PCSK6: variants seen among roughly 807,000 people sequenced by gnomAD.
PCSK6 encodes the protein proprotein convertase subtilisin/kexin type 6, also known as paired basic amino acid cleaving enzyme 4.
PCSK6 carries 85 observed loss-of-function variants against 123.3 expected under a neutral mutation model. The observed-to-expected ratio is 0.69, with a 90% confidence interval of 0.58 to 0.83. The LOEUF is 0.83. Among genes scored for constraint, PCSK6 ranks in the 40% least tolerant of loss-of-function variants. PCSK6 has a pLI of 0.00. For missense variants in PCSK6, 1,191 were observed against 1,282.3 expected (o/e 0.93, Z 1.09); for synonymous variants, 508 against 516.0 (o/e 0.98, Z 0.21).
chr15:101,365,850 GA>G (rs2041371081), intron 13 of PCSK6: 2 of 186,248 alleles, frequency 1.1e-5, no homozygotes. Flanking sequence ...AAATGTCCAG[GA>G]GAGGCAAATC....
intron 12 of PCSK6, among the ~76,000 whole-genome samples, chr15:101,367,040 G>C (rs1014785482): frequency 6.6e-6 from 1 of 152,180 alleles, no homozygotes; most frequent in Admixed American, 6.5e-5. Context: ...AGGGGCCCGT[G>C]GAGAGCGGGG....
intron 1 of PCSK6, among the ~76,000 whole-genome samples, chr15:101,454,027 C>T (rs900376566): frequency 2.0e-5 from 3 of 152,246 alleles, no homozygotes; most frequent in Non-Finnish European, 2.9e-5. Flanking sequence ...TGCCAGGCCC[C>T]CTCCTGGACT....
chr15:101,345,536 G>GA (rs963196886), intron 13 of PCSK6, among the ~76,000 whole-genome samples: 1 of 151,966 alleles, frequency 6.6e-6, no homozygotes, highest in Non-Finnish European at 1.5e-5. Context: ...CAGCAGGCCA[G>GA]AAAAAAAATT....
At chr15:101,457,517 T>C (rs2057219471) in intron 1 of PCSK6, among the ~76,000 whole-genome samples, 2 of 152,232 alleles carry the variant, frequency 1.3e-5, no homozygotes, top group Admixed American at 6.5e-5. Context: ...AGAACAAGGA[T>C]GCAGCTCCCT....
rs914549154 is a variant in PCSK6, at chr15:101,305,392, G to A, written c.2813-37C>T. Reference sequence around the variant, plus strand: ...CATCAGGAAAGGCAAAAGAGGGAAAGGTCAGTCTTCGGTGCCTGTGAAGAT... The same window carrying A: ...CATCAGGAAAGGCAAAAGAGGGAAAAGTCAGTCTTCGGTGCCTGTGAAGAT... On this transcript the variant is annotated intron_variant, in intron 21 of 21. Coordinates refer to ENST00000611716, the MANE Select transcript of PCSK6 (RefSeq NM_002570.5). The surrounding 1 kb of genome is among the most constrained non-coding windows in gnomAD (Gnocchi z 4.8). 1.3e-6 allele frequency: 2 copies of A among 1,562,796 alleles called. No individual in the cohort carries two copies. Among genetic ancestry groups the A allele is most frequent in the African/African-American group, 2.7e-5 (2 of 73,956 alleles).
At chr15:101,323,868 C>T (rs1481096295) in intron 17 of PCSK6, among the ~76,000 whole-genome samples, 1 of 152,200 alleles carries the variant, frequency 6.6e-6, no homozygotes, top group Non-Finnish European at 1.5e-5. Context: ...AGTAAGGGCC[C>T]AGAGAGGAGG....
chr15:101,369,924 T>TG (rs1395314032), intron 12 of PCSK6, among the ~76,000 whole-genome samples: 2 of 151,988 alleles, frequency 1.3e-5, no homozygotes, highest in Non-Finnish European at 2.9e-5. Flanking sequence ...GGAGAGCTGG[T>TG]GGGGGGACAA....
intron 4 of PCSK6, 27 bp downstream of exon 4, chr15:101,431,293 G>T (rs766973999): frequency 1.9e-6 from 3 of 1,611,702 alleles, no homozygotes; most frequent in Admixed American, 3.3e-5. Context: ...GAATATATTT[G>T]CATGTCAGTT....
rs535493597 is a variant in PCSK6 at position 101,333,420 on chromosome 15, G to A, written c.1859-1389C>T. Among the ~76,000 whole-genome samples the A allele has an allele frequency of 1.2e-3, 180 of 152,332 alleles. 1 individual carries two copies. The highest frequency in any genetic ancestry group is 4.1e-3 in the African/African-American group (169 of 41,568). On this transcript the variant is annotated intron_variant, in intron 13 of 21. Coordinates refer to ENST00000611716, the MANE Select transcript of PCSK6 (RefSeq NM_002570.5). ...CTCCTGCGACCCAAGCTGGGGACAGGGCCATTGCTGGCTCAATGTCTCTGT... is the reference window on the plus strand; with the variant it reads ...CTCCTGCGACCCAAGCTGGGGACAGAGCCATTGCTGGCTCAATGTCTCTGT...
intron 7 of PCSK6, among the ~76,000 whole-genome samples, chr15:101,395,439 A>T (rs554310407): frequency 2.0e-5 from 3 of 152,348 alleles, no homozygotes; most frequent in East Asian, 3.9e-4. Context: ...AGCATGTAGC[A>T]TGCATTTACT....
At chr15:101,395,323 C>T (rs1030314700) in intron 7 of PCSK6, among the ~76,000 whole-genome samples, 1 of 152,162 alleles carries the variant, frequency 6.6e-6, no homozygotes, top group Non-Finnish European at 1.5e-5. Flanking sequence ...CCAGGGTGGG[C>T]CTGAGAGTGT....
chr15:101,351,986 T>C (rs2040902443), intron 13 of PCSK6, among the ~76,000 whole-genome samples: 1 of 152,084 alleles, frequency 6.6e-6, no homozygotes, highest in South Asian at 2.1e-4. Flanking sequence ...ATGGGAGAGT[T>C]GAGTAGTTGT....
intron 6 of PCSK6, among the ~76,000 whole-genome samples, chr15:101,410,379 A>T (rs1293867479): frequency 6.6e-6 from 1 of 152,206 alleles, no homozygotes; most frequent in Admixed American, 6.5e-5. Flanking sequence ...AAGGGCTGGG[A>T]GGGAAGGAGC....
At chr15:101,389,893 A>T (rs1348175836) in intron 8 of PCSK6, among the ~76,000 whole-genome samples, 1 of 152,082 alleles carries the variant, frequency 6.6e-6, no homozygotes, top group Non-Finnish European at 1.5e-5. Flanking sequence ...TGAAACCAAG[A>T]CGCACCCCAC....
Position 101,363,927 on chromosome 15 carries a change from C to T in PCSK6, c.1858+2269G>A, listed in dbSNP as rs569446395. Among the ~76,000 whole-genome samples, 110 of 152,162 alleles carry T rather than the reference C, an allele frequency of 7.2e-4. 2 individuals are homozygous for T. In the South Asian group the frequency reaches 0.02, roughly 28 times the overall value. ...TGCTGGGATTACAGGCATGAGCCAC[C>T]GCGCCCAGCCAACGCTTTCTTAAAA... On this transcript the variant is annotated intron_variant, in intron 13 of 21. Transcript: ENST00000611716.
chr15:101,482,038 C>T lies in PCSK6; in HGVS notation c.297+7336G>A, dbSNP rs1596174394. ...CGCACCCGGTGGACAGAGGGAGAAA[C>T]GGCGGCTGGTGGGGTCTCCGGAGGT... On this transcript the variant is annotated intron_variant, in intron 1 of 21. Transcript: ENST00000611716. 3.9e-5 allele frequency among the ~76,000 whole-genome samples: 6 copies of T among 152,338 alleles called. No individual in the cohort carries two copies. The East Asian group carries it at 5.8e-4, about 15-fold the overall frequency.
At chr15:101,387,175 T>C (rs1041543802) in intron 9 of PCSK6, among the ~76,000 whole-genome samples, 1 of 152,220 alleles carries the variant, frequency 6.6e-6, no homozygotes, top group African/African-American at 2.4e-5. Context: ...CCTGTTCTCC[T>C]CCTGCATCCA....
rs192136388 is a variant in PCSK6, at chr15:101,365,562, G to A, written c.1858+634C>T. ...CTGACAATTCCAATCTTAGGTATAC[G>A]CCCACGAGAAACAAAAACATAGGTC... is the stretch of plus-strand genomic sequence containing the variant. On this transcript the variant is annotated intron_variant, in intron 13 of 21. Coordinates refer to ENST00000611716, the MANE Select transcript of PCSK6 (RefSeq NM_002570.5). Among the ~76,000 whole-genome samples the A allele has an allele frequency of 9.4e-4, 143 of 151,992 alleles. 1 individual carries two copies. The highest frequency in any genetic ancestry group is 1.6e-3 in the Non-Finnish European group (110 of 67,994).
intron 1 of PCSK6, among the ~76,000 whole-genome samples, chr15:101,481,718 G>A (rs2057890511): frequency 6.6e-6 from 1 of 152,196 alleles, no homozygotes. Context: ...TGCCACTAAG[G>A]TAGACAGGGG....
Sources: gnomAD v4.1 joint callset for allele counts (sites outside exome capture counted in the v4.1 genomes callset) on GRCh38, gnomAD v4.1.1 for gene constraint, Gnocchi (gnomAD v3.1) non-coding constraint, MANE v1.5 for transcripts, NCBI Gene and HGNC (gene_info 2026-07-23, HGNC 2026-07-21) for gene names.